Variants in M1AP observed in about 807,000 individuals in gnomAD.
M1AP encodes meiosis 1 associated protein.
M1AP carries 39 observed loss-of-function variants against 51.2 expected under a neutral mutation model. The observed-to-expected ratio is 0.76, with a 90% confidence interval of 0.59 to 1.00. The LOEUF is 1.00. M1AP is among the 50% of genes least tolerant of loss of function. M1AP has a pLI of 0.00. For synonymous variants in M1AP, 251 were observed against 249.2 expected, an observed-to-expected ratio of 1.01 and a Z score of -0.07; for missense variants, 545 against 641.2, an observed-to-expected ratio of 0.85 and a Z score of 1.62.
intron 4 of M1AP, among the ~76,000 whole-genome samples, chr2:74,603,058 C>T (rs1013338188): frequency 6.6e-6 from 1 of 152,166 alleles, no homozygotes; most frequent in African/African-American, 2.4e-5. Context: ...TTCTCTCTCA[C>T]AGATTCATTT....
intron 4 of M1AP, among the ~76,000 whole-genome samples, chr2:74,591,868 C>T (rs1680058815): frequency 1.3e-5 from 2 of 152,132 alleles, no homozygotes; most frequent in Admixed American, 1.3e-4. Flanking sequence ...TCACTGCAAC[C>T]TACATCTCCC....
intron 7 of M1AP, among the ~76,000 whole-genome samples, chr2:74,569,537 G>C (rs1421959102): frequency 6.6e-6 from 1 of 151,982 alleles, no homozygotes; most frequent in East Asian, 1.9e-4. Flanking sequence ...ACCACCCCCA[G>C]CTAATTTTTG....
intron 4 of M1AP, among the ~76,000 whole-genome samples, chr2:74,593,994 C>T (rs2104643980): frequency 6.6e-6 from 1 of 152,288 alleles, no homozygotes; most frequent in Non-Finnish European, 1.5e-5. Flanking sequence ...TGTGTTTAAA[C>T]TCAGTCTAGG....
At chr2:74,574,102 C>G (rs1283383423) in intron 7 of M1AP, among the ~76,000 whole-genome samples, 1 of 152,134 alleles carries the variant, frequency 6.6e-6, no homozygotes, top group Non-Finnish European at 1.5e-5. Context: ...GGCTTCGAAA[C>G]AGGAAAAAAA....
In M1AP at chr2:74,560,205, A is replaced by G. The variant is rs762098332; in HGVS notation, c.1368T>C (p.Tyr456=). Residue 456 remains tyrosine, a synonymous_variant, in exon 9 of 11, where the codon TAT becomes TAC. Coordinates refer to ENST00000421985, the MANE Select transcript of M1AP (RefSeq NM_001321739.2). ...GGTGGAGCCGCCCCTGAGGCTTGGC[A>G]TAGATGCTGCTCAGGTGTGAGTACA... is the stretch of plus-strand genomic sequence containing the variant. ...SHLYSHLSSI[Y]AKPQGRLHPH... is the part of the protein sequence containing the mutation. 6.2e-7 allele frequency: 1 copy of G among 1,613,954 alleles called. No homozygotes were observed. The highest frequency in any genetic ancestry group is 8.5e-7 in the Non-Finnish European group (1 of 1,179,972).
chr2:74,562,886 A>G (rs1043787866), intron 7 of M1AP, among the ~76,000 whole-genome samples: 6 of 152,176 alleles, frequency 3.9e-5, no homozygotes, highest in African/African-American at 1.4e-4. Flanking sequence ...ACTGCACTCC[A>G]GCCTGGGTGA....
At chr2:74,640,462 T>A in intron 1 of M1AP, 135 bp from the exon 2 acceptor site, 1 of 676,492 alleles carries the variant, frequency 1.5e-6, no homozygotes, top group Non-Finnish European at 2.3e-6. Context: ...CAGGCCATCC[T>A]ATTTTTTTTT....
At chr2:74,646,303 G>A (rs1010604454) in intron 1 of M1AP, among the ~76,000 whole-genome samples, 1 of 152,178 alleles carries the variant, frequency 6.6e-6, no homozygotes, top group African/African-American at 2.4e-5. Flanking sequence ...AATAAAAAAT[G>A]ATAATGCCAG....
intron 2 of M1AP, among the ~76,000 whole-genome samples, chr2:74,635,908 C>A (rs1682964795): frequency 6.6e-6 from 1 of 151,938 alleles, no homozygotes; most frequent in African/African-American, 2.4e-5. Context: ...ATGGTATGGT[C>A]TAGTTTGGCA....
chr2:74,586,360 G>A (rs182033473), intron 4 of M1AP, among the ~76,000 whole-genome samples: 1 of 152,196 alleles, frequency 6.6e-6, no homozygotes, highest in Non-Finnish European at 1.5e-5. Context: ...GAGTTGAACA[G>A]TGACTCCCTC....
chr2:74,598,416 A>AAATAAATAAATAAAG (rs1680470289), intron 4 of M1AP, among the ~76,000 whole-genome samples: 2 of 138,638 alleles, frequency 1.4e-5, no homozygotes, highest in African/African-American at 6.8e-5. Flanking sequence ...AATAAATAAA[A>AAATAAATAAATAAAG]GTAGTTTTGT....
intron 4 of M1AP, among the ~76,000 whole-genome samples, chr2:74,595,917 T>C (rs1245988938): frequency 1.3e-5 from 2 of 152,156 alleles, no homozygotes; most frequent in Non-Finnish European, 2.9e-5. Flanking sequence ...TGACTCTAAG[T>C]AGACTGTAAA....
chr2:74,637,119 C>G (rs1161958949), intron 2 of M1AP, among the ~76,000 whole-genome samples: 1 of 152,102 alleles, frequency 6.6e-6, no homozygotes, highest in Non-Finnish European at 1.5e-5. Flanking sequence ...CAATTATGTT[C>G]TATCCATTTA....
At chr2:74,576,234 C>G (rs1679057317) in intron 6 of M1AP, among the ~76,000 whole-genome samples, 1 of 152,214 alleles carries the variant, frequency 6.6e-6, no homozygotes, top group South Asian at 2.1e-4. Flanking sequence ...ATGCAGACCT[C>G]AGAGTGTTCT....
At chr2:74,596,181 A>G (rs1443991650) in intron 4 of M1AP, among the ~76,000 whole-genome samples, 3 of 152,222 alleles carry the variant, frequency 2.0e-5, no homozygotes, top group African/African-American at 7.2e-5. Context: ...AGATGATCAG[A>G]ATAGACATAA....
rs1558700861 is a variant in M1AP at position 74,640,039 on chromosome 2, A to G, written c.237T>C (p.Phe79=). The G allele has an allele frequency of 1.9e-6, 3 of 1,613,482 alleles. No individual in the cohort carries two copies. The highest frequency in any genetic ancestry group is 2.5e-6 in the Non-Finnish European group (3 of 1,179,402). The part of the protein sequence containing the change: ...VQDQHECILP[F]VQVKGNFARL... ...GAATAAATATAGATATACTTACCAC[A>G]AAAGGGAGGATGCACTCATGCTGAT... The change falls in exon 2 of 11, where the codon TTT becomes TTC. Residue 79 remains phenylalanine, a synonymous_variant. Transcript: ENST00000421985.
At chr2:74,572,011 AAAAG>A (rs2104549932) in intron 7 of M1AP, among the ~76,000 whole-genome samples, 1 of 152,122 alleles carries the variant, frequency 6.6e-6, no homozygotes, top group South Asian at 2.1e-4. Flanking sequence ...AAAAAAAAAA[AAAAG>A]AAAGAAAACT....
chr2:74,634,538 G>A (rs1162637800), intron 2 of M1AP, among the ~76,000 whole-genome samples: 1 of 152,146 alleles, frequency 6.6e-6, no homozygotes, highest in Non-Finnish European at 1.5e-5. Flanking sequence ...TGTCCAAGCT[G>A]CATGCCTTTT....
chr2:74,609,555 T>G (rs1681208620), intron 3 of M1AP, among the ~76,000 whole-genome samples: 1 of 152,214 alleles, frequency 6.6e-6, no homozygotes, highest in South Asian at 2.1e-4. Context: ...ACTGATTTCA[T>G]TTCCTTTGGG....
Sources: gnomAD v4.1 joint callset for allele counts (sites outside exome capture counted in the v4.1 genomes callset) on GRCh38, gnomAD v4.1.1 for gene constraint, MANE v1.5 for transcripts, NCBI Gene and HGNC (gene_info 2026-07-23, HGNC 2026-07-21) for gene names.